USP6: variants seen among roughly 807,000 people sequenced by gnomAD.
USP6 encodes ubiquitin specific peptidase 6.
USP6 carries 128 observed loss-of-function variants against 175.7 expected under a neutral mutation model. The ratio of observed to expected loss-of-function variants is 0.73; its 90% CI spans 0.63 to 0.84. The LOEUF is 0.84. USP6 is among the 40% of genes least tolerant of loss of function. The pLI, the probability that USP6 is intolerant of heterozygous loss-of-function variation, is 0.00. For synonymous variants in USP6, 562 were observed against 630.6 expected (o/e 0.89, Z 1.63); for missense variants, 1,498 against 1,760.3 (o/e 0.85, Z 2.67).
rs778945022 is a variant in USP6 at position 5,139,352 on chromosome 17, A to T, written c.1176A>T (p.Pro392=). The change falls in exon 22 of 38, where the codon CCA becomes CCT. Residue 392 remains proline, a synonymous_variant. Transcript: ENST00000574788. The part of the protein sequence containing the change: ...CKGYRQAPPG[P]PAQFQRPICS... Reference sequence around the variant, plus strand: ...GGTATAGGCAGGCCCCTCCAGGCCCACCAGCCCAGTTCCAGCGGCCCATTT... The same window carrying T: ...GGTATAGGCAGGCCCCTCCAGGCCCTCCAGCCCAGTTCCAGCGGCCCATTT... 6.2e-7 allele frequency: 1 copy of T among 1,612,860 alleles called. No individual in the cohort carries two copies.
intron 6 of USP6, chr17:5,126,695 T>G (rs1213734790): frequency 6.6e-6 from 1 of 152,290 alleles, no homozygotes; most frequent in African/African-American, 2.4e-5. Flanking sequence ...TCTCTCCTTT[T>G]CCAGTTCTCT....
chr17:5,132,248 G>T lies in USP6; in HGVS notation c.156-148G>T, dbSNP rs771770207. The T allele has an allele frequency of 1.6e-5, 25 of 1,596,092 alleles. No homozygotes were observed. Among genetic ancestry groups the T allele is most frequent in the Non-Finnish European group, 1.9e-5 (22 of 1,170,172 alleles). On this transcript the variant is annotated intron_variant, in intron 11 of 37. Transcript: ENST00000574788. This position sits in a 1 kb window ranked among gnomAD's most constrained non-coding sequence, Gnocchi z 4.7. ...TCCTGGGAGTCAGAGCCACAGGAAG[G>T]CCCTTGTCCTCCCTTCCCTGTGCCT...
In USP6 at chr17:5,158,614, GGA is replaced by G. The variant is rs71151843; in HGVS notation, c.2829-2857_2829-2856del. Among the ~76,000 whole-genome samples, 158 of 26,334 alleles carry G rather than the reference GGA, an allele frequency of 6.0e-3. 2 individuals are homozygous for G. Among genetic ancestry groups the G allele is most frequent in the East Asian group, 0.013 (12 of 924 alleles). The allele number at this position is 26,334 out of a possible 152,430, so 17.3% of individuals were successfully genotyped here. ...GAGAGAGAGAGAGAGAGGGAGAGGG[GGA>G]GAGAGAGAGAGAGAGAGAGAGAGAG... On this transcript the variant is annotated intron_variant, in intron 31 of 37. Transcript: ENST00000574788.
In USP6 at chr17:5,136,647, C is replaced by T. The variant is rs762890992; in HGVS notation, c.672C>T (p.His224=). 2.1e-5 allele frequency: 34 copies of T among 1,611,726 alleles called. No homozygotes were observed. The highest frequency in any genetic ancestry group is 4.2e-6 in the Non-Finnish European group (5 of 1,179,676). ...GGGCTGGGGGCTTCTCAGGATTCCA[C>T]AGCCCAAATGGTGGGACAGTCCAGG... ...ASERHSLPGF[H]SPNGGTVQGL... is the part of the protein sequence containing the mutation. Residue 224 remains histidine, a synonymous_variant, in exon 18 of 38, where the codon CAC becomes CAT. Coordinates refer to ENST00000574788, the MANE Select transcript of USP6 (RefSeq NM_001304284.2).
chr17:5,125,752 T>C (rs2072876461), intron 5 of USP6, 69 bp from the exon 6 acceptor site: 1 of 151,314 alleles, frequency 6.6e-6, no homozygotes, highest in Non-Finnish European at 1.5e-5. Flanking sequence ...TAGGGTGGCC[T>C]GGGAGGGAAT....
At chr17:5,141,597 C>A in intron 23 of USP6, 98 bp downstream of exon 23, 1 of 1,103,812 alleles carries the variant, frequency 9.1e-7, no homozygotes, top group Non-Finnish European at 1.3e-6. Flanking sequence ...TTTTCTAGTT[C>A]AAAAGTAATT....
At chr17:5,135,725 G>T in intron 16 of USP6, 83 bp from the exon 17 acceptor site, 1 of 1,596,380 alleles carries the variant, frequency 6.3e-7, no homozygotes, top group Non-Finnish European at 8.5e-7. Flanking sequence ...AGTCACCTCT[G>T]CCCTCTCCAA....
chr17:5,135,672 A>G lies in USP6; in HGVS notation c.544-136A>G, dbSNP rs562305506. The G allele has an allele frequency of 9.2e-4, 1,446 of 1,578,222 alleles. 13 individuals carry two copies. The South Asian group carries it at 0.013, about 14-fold the overall frequency. On this transcript the variant is annotated intron_variant, in intron 16 of 37. Transcript: ENST00000574788. ...GGACTTTGCTCTTGTCATGAAATGA[A>G]TTTGCATCCTGAGGAAGCCTCTTCT...
intron 7 of USP6, 106 bp downstream of exon 7, chr17:5,127,745 G>A (rs150214347): frequency 6.6e-6 from 1 of 152,234 alleles, no homozygotes; most frequent in East Asian, 1.9e-4. Flanking sequence ...ACATGACCTA[G>A]TATTTACATA....
chr17:5,170,014 G>A (rs4069715), intron 35 of USP6, among the ~76,000 whole-genome samples: 103,403 of 152,130 alleles, frequency 0.68, 36,109 homozygotes, highest in Non-Finnish European at 0.75. Context: ...ATAACTAAAA[G>A]GTTTAAAGCC....
intron 21 of USP6, chr17:5,138,890 G>A (rs2073348295): frequency 6.8e-6 from 6 of 883,562 alleles, no homozygotes; most frequent in Non-Finnish European, 9.8e-6. Context: ...TGCGGAGACA[G>A]GTCCCCATGT....
intron 16 of USP6, among the ~76,000 whole-genome samples, chr17:5,135,526 T>C (rs1428484123): frequency 1.3e-5 from 2 of 152,106 alleles, no homozygotes; most frequent in East Asian, 3.8e-4. Flanking sequence ...GACCACCACT[T>C]CTCAGAACAA....
rs2072536762 is a variant in USP6 at position 5,116,306 on chromosome 17, C to G, written c.-2362C>G. On this transcript the variant is annotated 5_prime_UTR_variant, in exon 1 of 38. Coordinates refer to ENST00000574788, the MANE Select transcript of USP6 (RefSeq NM_001304284.2). ...GCGGCCCCCCTCACCACTCCCGGCC[C>G]CGCTCCCGGCGGCCCGCCTCACCAC... 6.5e-6 allele frequency: 1 copy of G among 154,476 alleles called. No individual in the cohort carries two copies. The highest frequency in any genetic ancestry group is 2.4e-5 in the African/African-American group (1 of 41,374). The allele number at this position is 154,476 out of a possible 1,614,324, so 9.6% of individuals were successfully genotyped here.
intron 4 of USP6, among the ~76,000 whole-genome samples, chr17:5,123,276 G>A (rs1189571003): frequency 6.6e-6 from 1 of 152,080 alleles, no homozygotes; most frequent in Non-Finnish European, 1.5e-5. Flanking sequence ...GGATACAAAT[G>A]GTCGCCTTTT....
At chr17:5,133,311 C>G (rs2073137101) in intron 13 of USP6, 132 bp from the exon 14 acceptor site, 11 of 1,044,544 alleles carry the variant, frequency 1.1e-5, no homozygotes, top group Non-Finnish European at 1.6e-5. Context: ...GAAGGGAGAC[C>G]CTGTCCCAGC....
chr17:5,123,384 C>T (rs1056377566), intron 4 of USP6, among the ~76,000 whole-genome samples: 14 of 151,716 alleles, frequency 9.2e-5, no homozygotes, highest in African/African-American at 3.4e-4. Context: ...CTCAGCAGGC[C>T]CGGCGTGGCG....
intron 9 of USP6, 46 bp downstream of exon 9, chr17:5,130,135 C>G (rs1018800044): frequency 1.8e-6 from 1 of 547,036 alleles, no homozygotes; most frequent in African/African-American, 1.9e-5. Flanking sequence ...GATTCTCTGT[C>G]CAGGTCCCAC....
Position 5,133,965 on chromosome 17 carries a change from C to T in USP6, c.463C>T (p.His155Tyr), listed in dbSNP as rs371884064. The T allele has an allele frequency of 6.2e-7, 1 of 1,614,138 alleles. No individual in the cohort carries two copies. The highest frequency in any genetic ancestry group is 1.1e-5 in the South Asian group (1 of 91,082). Residue 155 changes from histidine to tyrosine, a missense_variant, in exon 15 of 38, where the codon CAT becomes TAT. Physicochemically the swap from His to Tyr is moderately conservative, Grantham distance 83 (BLOSUM62 2). This residue lies in a region of USP6 where 281 missense variants were observed against 259.6 expected (regional missense o/e 1.08). Coordinates refer to ENST00000574788, the MANE Select transcript of USP6 (RefSeq NM_001304284.2). ...GGACGTGAGGACGACTCTCCGGAAC[C>T]ATGTCTTCTTTAGGGATCGATATGG... ...DLDVRTTLRN[H>Y]VFFRDRYGAK...
chr17:5,163,448 T>C (rs886306491), intron 33 of USP6, among the ~76,000 whole-genome samples: 8 of 152,076 alleles, frequency 5.3e-5, no homozygotes, highest in African/African-American at 1.9e-4. Context: ...CCCGCTCTCT[T>C]GGAAACTAAG....
Sources: gnomAD v4.1 joint callset for allele counts (sites outside exome capture counted in the v4.1 genomes callset) on GRCh38, gnomAD v4.1.1 for gene constraint, gnomAD v4.1.1 regional missense constraint, Gnocchi (gnomAD v3.1) non-coding constraint, MANE v1.5 for transcripts, NCBI Gene and HGNC (gene_info 2026-07-23, HGNC 2026-07-21) for gene names.